CCDC13: variants seen among roughly 807,000 people sequenced by gnomAD.
CCDC13 encodes the protein coiled-coil domain containing 13.
Under a neutral mutation model 87.3 loss-of-function variants are expected in CCDC13, and 70 were observed. The ratio of observed to expected loss-of-function variants is 0.80; its 90% CI spans 0.66 to 0.98. The LOEUF is 0.98. Ranked by LOEUF, CCDC13 falls within the 50% of genes least tolerant of loss-of-function variation. The pLI, the probability that CCDC13 is intolerant of heterozygous loss-of-function variation, is 0.00. For synonymous variants in CCDC13, 317 were observed against 360.3 expected, an observed-to-expected ratio of 0.88 and a Z score of 1.36; for missense variants, 842 against 892.0, an observed-to-expected ratio of 0.94 and a Z score of 0.71.
chr3:42,733,879 C>T (rs114158052), intron 10 of CCDC13, among the ~76,000 whole-genome samples: 1 of 152,182 alleles, frequency 6.6e-6, no homozygotes. Context: ...GGGAGGTGCA[C>T]GGCCCTGCAT....
intron 1 of CCDC13, among the ~76,000 whole-genome samples, chr3:42,771,473 G>A (rs1451925125): frequency 6.6e-6 from 1 of 152,148 alleles, no homozygotes; most frequent in Non-Finnish European, 1.5e-5. Context: ...AATGAACACT[G>A]GCCAGGTGTG....
rs114106367 is a variant in CCDC13, at chr3:42,744,036, A to T, written c.826-979T>A. ...TATTGTGAAGTTGTCTGAGCCTGGGAATCCTCTGAGGTTCTTCTTGGACTG... is the reference window on the plus strand; with the variant it reads ...TATTGTGAAGTTGTCTGAGCCTGGGTATCCTCTGAGGTTCTTCTTGGACTG... On this transcript the variant is annotated intron_variant, in intron 7 of 15. Coordinates refer to ENST00000310232, the MANE Select transcript of CCDC13 (RefSeq NM_144719.4). Among the ~76,000 whole-genome samples the T allele has an allele frequency of 5.2e-3, 795 of 152,268 alleles. 5 individuals carry two copies. The highest frequency in any genetic ancestry group is 8.0e-3 in the Non-Finnish European group (545 of 68,024).
chr3:42,709,213 G>T, intron 15 of CCDC13, 74 bp from the exon 16 acceptor site: 6 of 1,461,952 alleles, frequency 4.1e-6, no homozygotes, highest in Middle Eastern at 1.8e-4. Context: ...AGGGCCCTGG[G>T]AATGTGGTTG....
chr3:42,752,086 A>G, intron 4 of CCDC13, 61 bp from the exon 5 acceptor site: 1 of 1,422,170 alleles, frequency 7.0e-7, no homozygotes, highest in African/African-American at 1.4e-5. Flanking sequence ...CAAGGAAAGC[A>G]CTCTGGTGCC....
At chr3:42,705,111 GTATA>G (rs1698145749), downstream of CCDC13, among the ~76,000 whole-genome samples, 1 of 152,200 alleles carries the variant, frequency 6.6e-6, no homozygotes, top group African/African-American at 2.4e-5. Context: ...ACATACGTGT[GTATA>G]TGTGTGTTGT....
chr3:42,713,353 G>A (rs747162398), intron 13 of CCDC13, 37 bp from the exon 14 acceptor site: 2 of 1,605,680 alleles, frequency 1.2e-6, no homozygotes, highest in South Asian at 2.2e-5. Flanking sequence ...ACATGCCCTG[G>A]CAGGCAGGGG....
chr3:42,708,638 TA>T lies in CCDC13; in HGVS notation c.*341del. 1 of 212,550 alleles carries T rather than the reference TA, an allele frequency of 4.7e-6. No individual in the cohort carries two copies. The highest frequency in any genetic ancestry group is 9.2e-6 in the Non-Finnish European group (1 of 108,604). 13.2% of individuals were successfully genotyped at this position (212,550 alleles called of 1,614,324 possible). ...CATGGGGACATCCAGGGCTAGTACC[TA>T]GGATGAGGGCGATGAACACCTGCCC... On this transcript the variant is annotated 3_prime_UTR_variant, in exon 16 of 16. Transcript: ENST00000310232.
intron 12 of CCDC13, 126 bp downstream of exon 12, chr3:42,732,761 A>G (rs961757605): frequency 4.0e-6 from 3 of 757,876 alleles, no homozygotes; most frequent in Admixed American, 2.8e-5. Context: ...GTCTTTATGT[A>G]ACCTTGGAAG....
intron 15 of CCDC13, 30 bp downstream of exon 15, chr3:42,709,653 AC>A (rs759640001): frequency 7.0e-6 from 11 of 1,562,016 alleles, no homozygotes; most frequent in Non-Finnish European, 9.7e-6. Flanking sequence ...AGACAACCCT[AC>A]CCTTTCAGGA....
chr3:42,766,490 G>C (rs1699935042), intron 1 of CCDC13, among the ~76,000 whole-genome samples: 1 of 151,794 alleles, frequency 6.6e-6, no homozygotes, highest in Non-Finnish European at 1.5e-5. Flanking sequence ...GAAAGAGTTT[G>C]ATGGGCCAGT....
rs1392395109 is a variant in CCDC13, at chr3:42,758,161, G to T, written c.185C>A (p.Ala62Glu). 1.2e-6 allele frequency: 2 copies of T among 1,613,948 alleles called. No homozygotes were observed. ...GCTATTTTTCGAGTTTGGCTCCCCT[G>T]CGTGGAGAAGGCTGAGGCCATCTGA... ...EVSDGLSLLH[A>E]GEPNSKNSFE... The change falls in exon 2 of 16, where the codon GCA (alanine) becomes GAA (glutamate). Residue 62 changes from alanine to glutamate, a missense_variant. By Grantham distance (107) the Ala-to-Glu change is moderately radical. Transcript: ENST00000310232.
In CCDC13 at chr3:42,730,581, T is replaced by C. The variant is rs139553437; in HGVS notation, c.1604A>G (p.Asp535Gly). 36 of 1,613,616 alleles carry C rather than the reference T, an allele frequency of 2.2e-5. No individual in the cohort carries two copies. The highest frequency in any genetic ancestry group is 2.7e-5 in the Non-Finnish European group (32 of 1,179,816). The change falls in exon 13 of 16, where the codon GAC (aspartate) becomes GGC (glycine). Residue 535 changes from aspartate to glycine, a missense_variant. Asp to Gly is a moderately conservative substitution (Grantham distance 94, BLOSUM62 -1). Coordinates refer to ENST00000310232, the MANE Select transcript of CCDC13 (RefSeq NM_144719.4). ...CTGCCAGCCTTTTTGTTCTGGGGAG[T>C]CCGAGAACCTGGGACCAGGGTGGAG... ...SPHRTSPRFSDSPEQKGWQAQ... is the reference protein window; with the variant it reads ...SPHRTSPRFSGSPEQKGWQAQ...
At chr3:42,767,737 G>A (rs1022107921) in intron 1 of CCDC13, among the ~76,000 whole-genome samples, 6 of 152,122 alleles carry the variant, frequency 3.9e-5, no homozygotes, top group African/African-American at 7.2e-5. Context: ...TTGGGAGGCC[G>A]AGGCGGGTGG....
chr3:42,770,805 G>A (rs1170250562), intron 1 of CCDC13: 1 of 153,116 alleles, frequency 6.5e-6, no homozygotes, highest in Non-Finnish European at 1.5e-5. Context: ...ACCACCCTAA[G>A]AGCTGTAACA....
At chr3:42,759,041 TG>T (rs1368830983) in intron 1 of CCDC13, among the ~76,000 whole-genome samples, 10 of 152,324 alleles carry the variant, frequency 6.6e-5, no homozygotes, top group African/African-American at 2.4e-4. Flanking sequence ...TCCACCAGGT[TG>T]GGTGCAGTGG....
chr3:42,737,250 T>G (rs1433280126), intron 9 of CCDC13, among the ~76,000 whole-genome samples: 1 of 152,328 alleles, frequency 6.6e-6, no homozygotes, highest in South Asian at 2.1e-4. Context: ...AACTCATCCT[T>G]TTTTATGGCT....
At chr3:42,749,800 G>A in intron 5 of CCDC13, 1 of 451,532 alleles carries the variant, frequency 2.2e-6, no homozygotes. Context: ...GGGAGCAGAT[G>A]ATGCCAACGC....
Position 42,746,132 on chromosome 3 carries a change from C to T in CCDC13, c.721-105G>A, listed in dbSNP as rs200425924. 25 of 830,496 alleles carry T rather than the reference C, an allele frequency of 3.0e-5. No individual in the cohort carries two copies. The East Asian group carries it at 4.9e-4, about 16-fold the overall frequency. 51.4% of individuals were successfully genotyped at this position (830,496 alleles called of 1,614,324 possible). On this transcript the variant is annotated intron_variant, in intron 6 of 15. Coordinates refer to ENST00000310232, the MANE Select transcript of CCDC13 (RefSeq NM_144719.4). ...TATTCAGAAGCAGTCTTCACCTACA[C>T]GATCTTCTTCCCATCTCAGAGCATA...
intron 13 of CCDC13, among the ~76,000 whole-genome samples, chr3:42,716,139 C>T (rs1017626617): frequency 7.2e-5 from 11 of 151,750 alleles, no homozygotes; most frequent in African/African-American, 1.5e-4. Flanking sequence ...ACTGCATAAG[C>T]ATTATTATGT....
Sources: allele counts gnomAD v4.1 joint callset (sites outside exome capture counted in the v4.1 genomes callset), GRCh38; gene constraint gnomAD v4.1.1; transcripts MANE v1.5; gene names NCBI Gene and HGNC (gene_info 2026-07-23, HGNC 2026-07-21).